Variants in C3orf70 observed in about 807,000 individuals in gnomAD.
C3orf70 encodes the protein UPF0524 protein C3orf70.
A neutral mutation model predicts 20.7 loss-of-function variants in C3orf70; 15 were observed. The observed-to-expected ratio is 0.72, with a 90% CI of 0.48 to 1.11. C3orf70 has a LOEUF of 1.11. Ranked by LOEUF, C3orf70 falls within the 50% of genes most tolerant of loss-of-function variation. C3orf70 has a pLI of 0.00. For missense variants in C3orf70, 332 were observed against 317.6 expected, an observed-to-expected ratio of 1.05 and a Z score of -0.34; for synonymous variants, 161 against 125.7, an observed-to-expected ratio of 1.28 and a Z score of -1.88.
intron 1 of C3orf70, among the ~76,000 whole-genome samples, chr3:185,107,412 A>G (rs28796349): frequency 0.052 from 7,908 of 152,284 alleles, 669 homozygotes; most frequent in African/African-American, 0.18. Context: ...GATGCGTGAA[A>G]TGGGGTATGT....
At chr3:185,117,201 T>C (rs1234560091) in intron 1 of C3orf70, among the ~76,000 whole-genome samples, 1 of 152,230 alleles carries the variant, frequency 6.6e-6, no homozygotes, top group Non-Finnish European at 1.5e-5. Context: ...TCAATAAAAA[T>C]GCAAATAGCA....
intron 1 of C3orf70, among the ~76,000 whole-genome samples, chr3:185,150,397 A>G (rs1016653167): frequency 6.6e-6 from 1 of 152,212 alleles, no homozygotes; most frequent in Non-Finnish European, 1.5e-5. Flanking sequence ...ATTAAGAAAG[A>G]GCCAGGATCT....
intron 1 of C3orf70, among the ~76,000 whole-genome samples, chr3:185,121,559 A>G (rs1716297356): frequency 6.6e-6 from 1 of 152,102 alleles, no homozygotes; most frequent in Admixed American, 6.5e-5. Flanking sequence ...ACGCAGAGAC[A>G]ATAGCAAGAA....
At chr3:185,116,061 G>T (rs1330797139) in intron 1 of C3orf70, among the ~76,000 whole-genome samples, 1 of 152,222 alleles carries the variant, frequency 6.6e-6, no homozygotes. Flanking sequence ...GTGCTGCTAT[G>T]CCTAGGTGGA....
chr3:185,139,184 G>A (rs1035408547), intron 1 of C3orf70, among the ~76,000 whole-genome samples: 5 of 136,566 alleles, frequency 3.7e-5, no homozygotes, highest in African/African-American at 1.3e-4. Flanking sequence ...AGGAGAAGGG[G>A]AGAGGGGGGA....
intron 1 of C3orf70, among the ~76,000 whole-genome samples, chr3:185,095,873 ACT>A (rs1561334245): frequency 5.9e-5 from 9 of 151,628 alleles, no homozygotes; most frequent in Non-Finnish European, 8.8e-5. Flanking sequence ...AATAGCTGCG[ACT>A]ATAGGTGCGT....
intron 1 of C3orf70, among the ~76,000 whole-genome samples, chr3:185,106,758 C>A (rs1332356033): frequency 6.6e-6 from 1 of 152,214 alleles, no homozygotes; most frequent in Non-Finnish European, 1.5e-5. Flanking sequence ...GGGGAACCCC[C>A]CGCAAAAAGT....
At chr3:185,128,021 T>G (rs1319211398) in intron 1 of C3orf70, among the ~76,000 whole-genome samples, 1 of 152,310 alleles carries the variant, frequency 6.6e-6, no homozygotes, top group African/African-American at 2.4e-5. Context: ...AAGCAGAAAC[T>G]AATTTTCAAA....
intron 1 of C3orf70, among the ~76,000 whole-genome samples, chr3:185,106,753 A>AC (rs1032692293): frequency 1.3e-5 from 2 of 151,930 alleles, no homozygotes; most frequent in African/African-American, 4.8e-5. Context: ...TGCCTGGGGA[A>AC]CCCCCCGCAA....
Position 185,153,026 on chromosome 3 carries a change from C to A in C3orf70, c.-203G>T, listed in dbSNP as rs1483292927. On this transcript the variant is annotated 5_prime_UTR_variant, in exon 1 of 2. Coordinates refer to ENST00000335012, the MANE Select transcript of C3orf70 (RefSeq NM_001025266.3). This position sits in a 1 kb window ranked among gnomAD's most constrained non-coding sequence, Gnocchi z 6.8. ...GCTGCGACCGGGTCCGGGCTGGCAG[C>A]CTCCCTCCCTCCGGCGCGGCGCGCG... is the stretch of plus-strand genomic sequence containing the variant. 5.3e-6 allele frequency: 1 copy of A among 189,586 alleles called. No homozygotes were observed. The highest frequency in any genetic ancestry group is 2.4e-5 in the African/African-American group (1 of 42,026). 11.7% of individuals were successfully genotyped at this position (189,586 alleles called of 1,614,324 possible).
At chr3:185,104,685 T>A (rs544487353) in intron 1 of C3orf70, among the ~76,000 whole-genome samples, 1 of 152,284 alleles carries the variant, frequency 6.6e-6, no homozygotes, top group South Asian at 2.1e-4. Context: ...GAGAGATGGA[T>A]GGAGCTGGAG....
rs931385962 is a variant in C3orf70 at position 185,078,772 on chromosome 3, G to A, written c.*4235C>T. 2.0e-5 allele frequency: 3 copies of A among 152,214 alleles called. No individual in the cohort carries two copies. Among genetic ancestry groups the A allele is most frequent in the African/African-American group, 7.2e-5 (3 of 41,440 alleles). 9.4% of individuals were successfully genotyped at this position (152,214 alleles called of 1,614,324 possible). On this transcript the variant is annotated 3_prime_UTR_variant, in exon 2 of 2. Coordinates refer to ENST00000335012, the MANE Select transcript of C3orf70 (RefSeq NM_001025266.3). ...GACCATAAAATTTTGCAAACAAGAT[G>A]TGGGAATATTAAGAGCTGACTGTAG...
intron 1 of C3orf70, among the ~76,000 whole-genome samples, chr3:185,124,481 G>GA (rs1216000282): frequency 6.6e-6 from 1 of 152,174 alleles, no homozygotes; most frequent in Non-Finnish European, 1.5e-5. Flanking sequence ...TGGCACTGGT[G>GA]AAAGGATAGA....
chr3:185,144,524 TGCAGTG>T (rs1345136582), intron 1 of C3orf70, among the ~76,000 whole-genome samples: 1 of 152,186 alleles, frequency 6.6e-6, no homozygotes, highest in Non-Finnish European at 1.5e-5. Context: ...CAGGCTGGAG[TGCAGTG>T]GCACAATCTC....
At chr3:185,139,249 G>T (rs1716696941) in intron 1 of C3orf70, among the ~76,000 whole-genome samples, 1 of 151,674 alleles carries the variant, frequency 6.6e-6, no homozygotes, top group African/African-American at 2.4e-5. Context: ...GAGAGAAAAA[G>T]TGGGAAAAAA....
chr3:185,080,091 C>T lies in C3orf70; in HGVS notation c.*2916G>A, dbSNP rs568848142. ...TCAATAACATATTTCAGAGTGTTAT[C>T]AACAGTGCTAGGACAAAAATAAATC... On this transcript the variant is annotated 3_prime_UTR_variant, in exon 2 of 2. Transcript: ENST00000335012. 1.3e-5 allele frequency: 2 copies of T among 152,690 alleles called. No homozygotes were observed. The highest frequency in any genetic ancestry group is 2.9e-5 in the Non-Finnish European group (2 of 68,016). The allele number at this position is 152,690 out of a possible 1,614,324, so 9.5% of individuals were successfully genotyped here.
intron 1 of C3orf70, among the ~76,000 whole-genome samples, chr3:185,117,100 G>A (rs7627110): frequency 1 from 152,341 of 152,346 alleles, 76,168 homozygotes; most frequent in Middle Eastern, 1. Context: ...ACATTTTCAA[G>A]TGAGAAACCA....
rs1715233215 is a variant in C3orf70 at position 185,077,935 on chromosome 3, A to C, written c.*5072T>G. 1 of 152,248 alleles carries C rather than the reference A, an allele frequency of 6.6e-6. No individual in the cohort carries two copies. Among genetic ancestry groups the C allele is most frequent in the African/African-American group, 2.4e-5 (1 of 41,438 alleles). 9.4% of individuals were successfully genotyped at this position (152,248 alleles called of 1,614,324 possible). ...AGGTCTTGTAAAGGTTTAATGGGGTAATGGCCATACGCTATTTCCTAGCAC... is the reference window on the plus strand; with the variant it reads ...AGGTCTTGTAAAGGTTTAATGGGGTCATGGCCATACGCTATTTCCTAGCAC... On this transcript the variant is annotated 3_prime_UTR_variant, in exon 2 of 2. Coordinates refer to ENST00000335012, the MANE Select transcript of C3orf70 (RefSeq NM_001025266.3).
rs571356591 is a variant in C3orf70, at chr3:185,101,335, G to A, written c.197-17772C>T. 5.9e-5 allele frequency among the ~76,000 whole-genome samples: 9 copies of A among 152,232 alleles called. No homozygotes were observed. In the East Asian group the frequency reaches 1.3e-3, roughly 23 times the overall value. On this transcript the variant is annotated intron_variant, in intron 1 of 1. Coordinates refer to ENST00000335012, the MANE Select transcript of C3orf70 (RefSeq NM_001025266.3). The stretch of plus-strand genomic sequence containing the variant: ...GGACATCAAAATGCTTATCCACCAC[G>A]ATCAAGTAGGCTTTGTCCCTGGAAT...
Sources: allele counts gnomAD v4.1 joint callset (sites outside exome capture counted in the v4.1 genomes callset), GRCh38; gene constraint gnomAD v4.1.1; non-coding constraint Gnocchi (gnomAD v3.1); transcripts MANE v1.5; gene names NCBI Gene and HGNC (gene_info 2026-07-23, HGNC 2026-07-21).